EIF2AK3: variants seen among roughly 807,000 people sequenced by gnomAD.
EIF2AK3 encodes eukaryotic translation initiation factor 2-alpha kinase 3.
In EIF2AK3, 50 loss-of-function variants were observed where a neutral mutation model predicts 113.5. That is an observed-to-expected ratio of 0.44 (90% CI 0.35 to 0.56). The LOEUF is 0.56. Among genes scored for constraint, EIF2AK3 ranks in the 20% least tolerant of loss-of-function variants. The probability of loss-of-function intolerance (pLI) is 0.00; values close to 1 mark genes in which losing one functional copy is unlikely to be tolerated. For missense variants in EIF2AK3, 1,185 were observed against 1,378.0 expected (o/e 0.86, Z 2.22); for synonymous variants, 448 against 495.4 (o/e 0.90, Z 1.27).
intron 13 of EIF2AK3, among the ~76,000 whole-genome samples, chr2:88,572,237 A>C (rs1674331661): frequency 6.6e-6 from 1 of 152,274 alleles, no homozygotes; most frequent in Middle Eastern, 3.4e-3. Flanking sequence ...TTTCTTCCCA[A>C]CTCCCAACAT....
In EIF2AK3 at chr2:88,557,707, C is replaced by A; in HGVS notation, c.*29G>T. 6.2e-7 allele frequency: 1 copy of A among 1,609,948 alleles called. No homozygotes were observed. The highest frequency in any genetic ancestry group is 1.1e-5 in the South Asian group (1 of 91,002). ...AAGAAGTAGGCTATTATCTGCATCA[C>A]CTATTAGGGTTGCTAGCACAACTTA... On this transcript the variant is annotated 3_prime_UTR_variant, in exon 17 of 17. Coordinates refer to ENST00000303236, the MANE Select transcript of EIF2AK3 (RefSeq NM_004836.7).
At chr2:88,576,797 A>G in intron 11 of EIF2AK3, 94 bp from the exon 12 acceptor site, 3 of 1,340,764 alleles carry the variant, frequency 2.2e-6, no homozygotes, top group East Asian at 2.5e-5. Context: ...AAATATGTAG[A>G]TGTATTATAT....
chr2:88,575,947 C>T (rs1022425468), intron 12 of EIF2AK3, among the ~76,000 whole-genome samples: 1 of 152,224 alleles, frequency 6.6e-6, no homozygotes, highest in African/African-American at 2.4e-5. Flanking sequence ...AGTCTATCTA[C>T]ACATGCTTCC....
At chr2:88,622,889 GA>G (rs1296889356) in intron 1 of EIF2AK3, among the ~76,000 whole-genome samples, 17 of 151,980 alleles carry the variant, frequency 1.1e-4, no homozygotes, top group Non-Finnish European at 2.2e-4. Flanking sequence ...AACGACAGAG[GA>G]AAAAAAGAGA....
chr2:88,617,316 A>G (rs1312791596), intron 1 of EIF2AK3, among the ~76,000 whole-genome samples: 1 of 152,252 alleles, frequency 6.6e-6, no homozygotes, highest in Admixed American at 6.5e-5. Flanking sequence ...AGCCATAAAA[A>G]GATGAAATCA....
chr2:88,593,510 G>T, intron 3 of EIF2AK3, 105 bp from the exon 4 acceptor site: 1 of 1,375,748 alleles, frequency 7.3e-7, no homozygotes, highest in South Asian at 1.2e-5. Context: ...AGGAAACTAA[G>T]GAAATGTGTA....
At chr2:88,573,379 C>G (rs1674368607) in intron 13 of EIF2AK3, among the ~76,000 whole-genome samples, 1 of 152,142 alleles carries the variant, frequency 6.6e-6, no homozygotes, top group Non-Finnish European at 1.5e-5. Flanking sequence ...CATTGTCTTT[C>G]AAGTTGGCAT....
rs2104429229 is a variant in EIF2AK3, at chr2:88,585,835, T to G, written c.1650+6A>C. 3 of 1,612,736 alleles carry G rather than the reference T, an allele frequency of 1.9e-6. No individual in the cohort carries two copies. The highest frequency in any genetic ancestry group is 1.3e-5 in the African/African-American group (1 of 75,002). Reference sequence around the variant, plus strand: ...AAACCAGACAGTAAGCAACCATGATTCTTACCCTGTGAGGATGAGGATGGA... The same window carrying G: ...AAACCAGACAGTAAGCAACCATGATGCTTACCCTGTGAGGATGAGGATGGA... On this transcript the variant is annotated splice_donor_region_variant and intron_variant, in intron 9 of 16. Transcript: ENST00000303236.
chr2:88,584,245 G>T (rs1357948882), intron 9 of EIF2AK3, among the ~76,000 whole-genome samples: 1 of 152,094 alleles, frequency 6.6e-6, no homozygotes, highest in East Asian at 1.9e-4. Flanking sequence ...GGCCAGGCGT[G>T]GTGGCTCATG....
In EIF2AK3 at chr2:88,593,294, C is replaced by G; in HGVS notation, c.745G>C (p.Gly249Arg). The change falls in exon 4 of 17, where the codon GGA becomes CGA. Residue 249 changes from glycine to arginine, a missense_variant. Gly to Arg is a moderately radical substitution (Grantham distance 125). Coordinates refer to ENST00000303236, the MANE Select transcript of EIF2AK3 (RefSeq NM_004836.7). The stretch of plus-strand genomic sequence containing the variant: ...CACTTCTCATTGCCACTGCGAGGTC[C>G]GACAGCTCTAACAGTTTTTTGGGTA... Reference protein sequence around the residue: ...QRTQKTVRAVGPRSGNEKWNF... With the variant: ...QRTQKTVRAVRPRSGNEKWNF... The G allele has an allele frequency of 6.2e-7, 1 of 1,613,986 alleles. No individual in the cohort carries two copies. Among genetic ancestry groups the G allele is most frequent in the Non-Finnish European group, 8.5e-7 (1 of 1,179,976 alleles).
chr2:88,588,361 TAATG>T (rs948753262), intron 7 of EIF2AK3, among the ~76,000 whole-genome samples: 2 of 152,158 alleles, frequency 1.3e-5, no homozygotes, highest in Non-Finnish European at 2.9e-5. Context: ...TTTAGAAAGA[TAATG>T]AAAGAAGTAG....
upstream of EIF2AK3, chr2:88,627,826 T>G (rs1675915511): frequency 6.6e-6 from 1 of 152,630 alleles, no homozygotes; most frequent in Non-Finnish European, 1.5e-5. Flanking sequence ...CCCTCAAAGG[T>G]CTGCGCTAAC....
At chr2:88,592,554 G>C (rs888855916) in intron 4 of EIF2AK3, among the ~76,000 whole-genome samples, 1 of 152,002 alleles carries the variant, frequency 6.6e-6, no homozygotes, top group Non-Finnish European at 1.5e-5. Flanking sequence ...ACCTGAGGTT[G>C]GGAGTTTGAG....
At chr2:88,625,609 T>A (rs1057109358) in intron 1 of EIF2AK3, among the ~76,000 whole-genome samples, 6 of 152,178 alleles carry the variant, frequency 3.9e-5, no homozygotes, top group African/African-American at 1.4e-4. Flanking sequence ...GACTGCACAC[T>A]CTCCTGGAAG....
intron 8 of EIF2AK3, among the ~76,000 whole-genome samples, chr2:88,587,263 A>AT (rs200997341): frequency 2.9e-4 from 42 of 146,510 alleles, no homozygotes; most frequent in African/African-American, 9.0e-4. Flanking sequence ...GTTCAGAGCC[A>AT]TTTTTTTTTA....
Position 88,590,869 on chromosome 2 carries a change from C to A in EIF2AK3, c.951G>T (p.Trp317Cys). The change falls in exon 5 of 17, where the codon TGG becomes TGT. Residue 317 changes from tryptophan (W) to cysteine (C), a missense_variant. Transcript: ENST00000303236. Reference sequence around the variant, plus strand: ...CCTTCTTACTGAATGCCATAACTTTCCAGTCAGCAACCGAAACCTTTATCA... The same window carrying A: ...CCTTCTTACTGAATGCCATAACTTTACAGTCAGCAACCGAAACCTTTATCA... ...DIVIKVSVAD[W>C]KVMAFSKKGG... 1 of 1,614,124 alleles carries A rather than the reference C, an allele frequency of 6.2e-7. No homozygotes were observed. The highest frequency in any genetic ancestry group is 8.5e-7 in the Non-Finnish European group (1 of 1,179,990).
chr2:88,575,611 C>G (rs1674438341), intron 12 of EIF2AK3, 165 bp from the exon 13 acceptor site: 1 of 734,492 alleles, frequency 1.4e-6, no homozygotes, highest in Non-Finnish European at 2.3e-6. Flanking sequence ...AGATACAGAA[C>G]ATCACATTCC....
chr2:88,586,374 C>T (rs1179918193), intron 8 of EIF2AK3, among the ~76,000 whole-genome samples: 1 of 152,002 alleles, frequency 6.6e-6, no homozygotes, highest in Non-Finnish European at 1.5e-5. Flanking sequence ...AATTAATACT[C>T]AATCTTCCTT....
At chr2:88,565,458 C>T (rs1277375643) in intron 14 of EIF2AK3, among the ~76,000 whole-genome samples, 4 of 151,766 alleles carry the variant, frequency 2.6e-5, no homozygotes, top group Non-Finnish European at 4.4e-5. Context: ...CTTTCTACTT[C>T]AGTCTCTCAA....
Sources: gnomAD v4.1 joint callset for allele counts (sites outside exome capture counted in the v4.1 genomes callset) on GRCh38, gnomAD v4.1.1 for gene constraint, MANE v1.5 for transcripts, NCBI Gene and HGNC (gene_info 2026-07-23, HGNC 2026-07-21) for gene names.